Variants in CRYZL1 observed in about 807,000 individuals in gnomAD.
CRYZL1 encodes crystallin zeta like 1.
In CRYZL1, 34 loss-of-function variants were observed where a neutral mutation model predicts 50.6. The ratio of observed to expected loss-of-function variants is 0.67; its 90% confidence interval spans 0.51 to 0.89. CRYZL1 has a LOEUF of 0.89. CRYZL1 is among the 40% of genes least tolerant of loss of function. CRYZL1 has a pLI of 0.00. For missense variants in CRYZL1, 354 were observed against 402.3 expected (o/e 0.88, Z 1.03); for synonymous variants, 125 against 134.3 (o/e 0.93, Z 0.48).
intron 4 of CRYZL1, among the ~76,000 whole-genome samples, chr21:33,621,137 C>T (rs940996459): frequency 8.7e-5 from 13 of 149,122 alleles, no homozygotes; most frequent in Admixed American, 7.3e-4. Flanking sequence ...GATCTCCTGA[C>T]CTCGTGATCC....
chr21:33,617,979 G>C (rs374689790), intron 4 of CRYZL1, among the ~76,000 whole-genome samples: 1 of 152,148 alleles, frequency 6.6e-6, no homozygotes, highest in Admixed American at 6.6e-5. Flanking sequence ...TTGGTACCAA[G>C]AAGTTTTCTG....
chr21:33,619,317 T>G (rs562477719), intron 4 of CRYZL1, among the ~76,000 whole-genome samples: 74 of 152,322 alleles, frequency 4.9e-4, no homozygotes, highest in Middle Eastern at 3.4e-3. Flanking sequence ...TCTTGCCTCT[T>G]GGTCTACAAC....
chr21:33,616,880 C>T (rs2086940024), intron 4 of CRYZL1, 130 bp from the exon 5 acceptor site: 5 of 741,462 alleles, frequency 6.7e-6, no homozygotes, highest in Non-Finnish European at 8.3e-6. Context: ...AAAAAAGGAC[C>T]AAAATGTCAA....
At chr21:33,597,246 T>C (rs1189589624) in intron 10 of CRYZL1, 34 bp downstream of exon 10, 1 of 1,606,228 alleles carries the variant, frequency 6.2e-7, no homozygotes, top group Non-Finnish European at 8.5e-7. Flanking sequence ...ACCCCTTTGG[T>C]GTAATGGTAA....
chr21:33,618,134 A>G (rs1013501005), intron 4 of CRYZL1, among the ~76,000 whole-genome samples: 26 of 151,494 alleles, frequency 1.7e-4, no homozygotes, highest in African/African-American at 6.3e-4. Flanking sequence ...CTAAAAATAC[A>G]AAAAATTAGC....
intron 1 of CRYZL1, among the ~76,000 whole-genome samples, chr21:33,634,045 T>C (rs1444270621): frequency 1.3e-5 from 2 of 152,194 alleles, no homozygotes; most frequent in Admixed American, 6.5e-5. Flanking sequence ...TTAACAGAAA[T>C]GAATACACAT....
chr21:33,620,810 AAAAC>A (rs1408938730), intron 4 of CRYZL1, among the ~76,000 whole-genome samples: 4 of 151,964 alleles, frequency 2.6e-5, no homozygotes, highest in African/African-American at 9.7e-5. Flanking sequence ...ACTCTGAAAA[AAAAC>A]AAAAACAAAA....
At chr21:33,598,810 T>G (rs936410519) in intron 9 of CRYZL1, among the ~76,000 whole-genome samples, 5 of 151,804 alleles carry the variant, frequency 3.3e-5, no homozygotes, top group Non-Finnish European at 7.4e-5. Flanking sequence ...TTTTGAGTTT[T>G]TTTTTTTTTT....
chr21:33,602,391 G>A (rs768919142), intron 7 of CRYZL1, 46 bp from the exon 8 acceptor site: 1 of 781,168 alleles, frequency 1.3e-6, no homozygotes, highest in African/African-American at 1.7e-5. Context: ...ATAGAACAGA[G>A]GCCATATCGA....
intron 4 of CRYZL1, among the ~76,000 whole-genome samples, chr21:33,617,911 T>C (rs1002690126): frequency 4.7e-4 from 71 of 152,102 alleles, no homozygotes; most frequent in Non-Finnish European, 9.7e-4. Flanking sequence ...TGAGGGGTGG[T>C]CTCCTCCCTT....
At chr21:33,623,646 A>C (rs2087027214) in intron 3 of CRYZL1, among the ~76,000 whole-genome samples, 2 of 152,188 alleles carry the variant, frequency 1.3e-5, no homozygotes, top group African/African-American at 4.8e-5. Context: ...CCTGGTCTGT[A>C]ATTTCCTAAG....
rs562688225 is a variant in CRYZL1 at position 33,608,839 on chromosome 21, T to A, written c.331+4699A>T. Among the ~76,000 whole-genome samples, 11 of 152,338 alleles carry A rather than the reference T, an allele frequency of 7.2e-5. No homozygotes were observed. In the South Asian group the frequency reaches 2.3e-3, roughly 32 times the overall value. On this transcript the variant is annotated intron_variant, in intron 6 of 12. Coordinates refer to ENST00000381554, the MANE Select transcript of CRYZL1 (RefSeq NM_145858.3). ...GCAATGAATATGGGAGTGCAAGACA[T>A]CTGATTTCAAAGCTTCCGGGAAAAT...
chr21:33,591,665 T>G (rs2086643753), intron 11 of CRYZL1: 2 of 180,426 alleles, frequency 1.1e-5, no homozygotes, highest in African/African-American at 4.8e-5. Context: ...TTTATGTGTG[T>G]ATGATATACA....
At chr21:33,613,432 T>C (rs1012023892) in intron 6 of CRYZL1, 106 bp downstream of exon 6, 4 of 735,442 alleles carry the variant, frequency 5.4e-6, no homozygotes, top group Non-Finnish European at 6.9e-6. Flanking sequence ...TGATACTTTA[T>C]TAAGTACAAC....
At chr21:33,599,610 G>A (rs1241819965) in intron 8 of CRYZL1, among the ~76,000 whole-genome samples, 2 of 148,640 alleles carry the variant, frequency 1.3e-5, no homozygotes, top group African/African-American at 5.0e-5. Flanking sequence ...TATATAATAC[G>A]ACATGAAATG....
intron 3 of CRYZL1, among the ~76,000 whole-genome samples, chr21:33,623,731 T>C (rs1194508371): frequency 1.3e-5 from 2 of 152,198 alleles, no homozygotes; most frequent in Non-Finnish European, 2.9e-5. Flanking sequence ...TTACGGGTCA[T>C]GTAAACTATG....
intron 2 of CRYZL1, among the ~76,000 whole-genome samples, chr21:33,626,897 A>G (rs1176749221): frequency 6.6e-6 from 1 of 152,196 alleles, no homozygotes; most frequent in Non-Finnish European, 1.5e-5. Flanking sequence ...AGCCACTTAC[A>G]TAGCCCCTCC....
At chr21:33,625,875 G>C (rs929424148) in intron 2 of CRYZL1, among the ~76,000 whole-genome samples, 35 of 152,126 alleles carry the variant, frequency 2.3e-4, no homozygotes, top group Admixed American at 5.2e-4. Flanking sequence ...TGCCCAGGTT[G>C]GTCTTGAGCT....
At chr21:33,606,893 C>G (rs1055760621) in intron 6 of CRYZL1, among the ~76,000 whole-genome samples, 5 of 149,526 alleles carry the variant, frequency 3.3e-5, no homozygotes, top group African/African-American at 1.2e-4. Context: ...TGCCTGTAAT[C>G]CCAGCTACTT....
Sources: gnomAD v4.1 joint callset for allele counts (sites outside exome capture counted in the v4.1 genomes callset) on GRCh38, gnomAD v4.1.1 for gene constraint, MANE v1.5 for transcripts, NCBI Gene and HGNC (gene_info 2026-07-23, HGNC 2026-07-21) for gene names.